CNTN4: variants seen among roughly 807,000 people sequenced by gnomAD.
CNTN4 encodes the protein contactin-4.
Under a neutral mutation model 122.5 loss-of-function variants are expected in CNTN4, and 77 were observed. That is an observed-to-expected ratio of 0.63 (90% CI 0.52 to 0.76). CNTN4 has a LOEUF of 0.76. Among genes scored for constraint, CNTN4 ranks in the 30% least tolerant of loss-of-function variants. The pLI, the probability that CNTN4 is intolerant of heterozygous loss-of-function variation, is 0.00. For missense variants in CNTN4, 1,256 were observed against 1,259.1 expected, an observed-to-expected ratio of 1.00 and a Z score of 0.04; for synonymous variants, 512 against 447.0, an observed-to-expected ratio of 1.15 and a Z score of -1.83.
chr3:2,571,353 C>G (rs531821752), intron 3 of CNTN4, 63 bp from the exon 4 acceptor site: 14 of 686,842 alleles, frequency 2.0e-5, no homozygotes, highest in Non-Finnish European at 3.5e-5. Flanking sequence ...TAAAGATAAA[C>G]TTGCAGAGAC....
At chr3:2,376,718 A>G (rs552908628) in intron 3 of CNTN4, among the ~76,000 whole-genome samples, 116 of 150,972 alleles carry the variant, frequency 7.7e-4, no homozygotes, top group Non-Finnish European at 2.9e-4. Flanking sequence ...TCAGGTTAAC[A>G]TATAATATGC....
chr3:2,917,502 TG>T (rs1389290077), intron 12 of CNTN4, among the ~76,000 whole-genome samples: 6 of 152,182 alleles, frequency 3.9e-5, no homozygotes, highest in African/African-American at 1.4e-4. Context: ...CCTGGAATTC[TG>T]CATTTCTAAC....
At chr3:2,758,397 G>T (rs1313357708) in intron 6 of CNTN4, among the ~76,000 whole-genome samples, 1 of 151,250 alleles carries the variant, frequency 6.6e-6, no homozygotes, top group African/African-American at 2.4e-5. Context: ...CTTAAACAAA[G>T]AAATAGAATA....
chr3:2,452,922 T>G (rs1413646204), intron 3 of CNTN4, among the ~76,000 whole-genome samples: 1 of 152,136 alleles, frequency 6.6e-6, no homozygotes, highest in Admixed American at 6.6e-5. Flanking sequence ...TTTTTTTGTG[T>G]TTTTGTTGTA....
chr3:2,677,694 A>G (rs952561836), intron 4 of CNTN4, among the ~76,000 whole-genome samples: 7 of 152,122 alleles, frequency 4.6e-5, no homozygotes, highest in African/African-American at 1.4e-4. Flanking sequence ...TTCCCAGCAG[A>G]TGGTGGTGGC....
chr3:2,109,465 A>G (rs1188489404), intron 2 of CNTN4, among the ~76,000 whole-genome samples: 2 of 152,130 alleles, frequency 1.3e-5, no homozygotes, highest in Non-Finnish European at 2.9e-5. Context: ...GAACTTTTGT[A>G]TATAAAAATA....
At chr3:2,119,137 C>A (rs1471344338) in intron 2 of CNTN4, among the ~76,000 whole-genome samples, 1 of 152,196 alleles carries the variant, frequency 6.6e-6, no homozygotes, top group East Asian at 1.9e-4. Context: ...AAACTGATCT[C>A]CCAGGAGAAA....
At position 2,988,881 on chromosome 3, in the gene CNTN4, T is replaced by G. The variant is rs1010608083; in HGVS notation, c.1486+409T>G. On this transcript the variant is annotated intron_variant, in intron 14 of 24. Coordinates refer to ENST00000418658, the MANE Select transcript of CNTN4 (RefSeq NM_175607.3). ...ATTGTTTAAACAATGACATTGGTAA[T>G]TTTTAAGATAGCTGTCCCATTTATT... The G allele has an allele frequency of 4.8e-5, 12 of 247,766 alleles. No individual in the cohort carries two copies. The South Asian group carries it at 6.1e-4, about 13-fold the overall frequency. The allele number at this position is 247,766 out of a possible 1,614,324, so 15.3% of individuals were successfully genotyped here.
chr3:2,976,866 T>TC (rs1693463898), intron 13 of CNTN4, among the ~76,000 whole-genome samples: 1 of 151,890 alleles, frequency 6.6e-6, no homozygotes. Context: ...CCAAAACAAG[T>TC]CTTTTTTTTT....
chr3:2,314,861 A>G (rs1375096438), intron 2 of CNTN4, among the ~76,000 whole-genome samples: 1 of 152,068 alleles, frequency 6.6e-6, no homozygotes, highest in Non-Finnish European at 1.5e-5. Context: ...TTTGAAGAAT[A>G]AGAAATACAG....
At chr3:2,796,295 T>C (rs1439931653) in intron 6 of CNTN4, among the ~76,000 whole-genome samples, 2 of 152,134 alleles carry the variant, frequency 1.3e-5, no homozygotes, top group East Asian at 3.9e-4. Context: ...TAAAGGATTA[T>C]ATTTGAAGGT....
At chr3:3,001,061 TA>T (rs1695991482) in intron 14 of CNTN4, among the ~76,000 whole-genome samples, 1 of 152,152 alleles carries the variant, frequency 6.6e-6, no homozygotes, top group Non-Finnish European at 1.5e-5. Flanking sequence ...AGGGGTTCAA[TA>T]AACAGTACCT....
At chr3:2,834,100 C>T (rs1252385659) in intron 7 of CNTN4, among the ~76,000 whole-genome samples, 2 of 151,912 alleles carry the variant, frequency 1.3e-5, no homozygotes, top group South Asian at 2.1e-4. Context: ...AAGCCGAGAT[C>T]GCCACTGCTC....
intron 2 of CNTN4, among the ~76,000 whole-genome samples, chr3:2,171,730 C>G (rs1232918264): frequency 6.6e-6 from 1 of 152,132 alleles, no homozygotes; most frequent in Non-Finnish European, 1.5e-5. Context: ...AACATAGTCT[C>G]CAGTCACATC....
intron 13 of CNTN4, among the ~76,000 whole-genome samples, chr3:2,951,519 C>A (rs1308416124): frequency 6.6e-6 from 1 of 152,162 alleles, no homozygotes; most frequent in African/African-American, 2.4e-5. Context: ...CTGTCTGCAG[C>A]CTGGGGGTTG....
chr3:2,993,071 T>C (rs1695197459), intron 14 of CNTN4, among the ~76,000 whole-genome samples: 2 of 152,196 alleles, frequency 1.3e-5, no homozygotes, highest in Non-Finnish European at 2.9e-5. Flanking sequence ...AATCCATACC[T>C]GTTTTATATA....
intron 4 of CNTN4, among the ~76,000 whole-genome samples, chr3:2,682,806 T>A (rs1170399232): frequency 6.6e-6 from 1 of 152,158 alleles, no homozygotes; most frequent in South Asian, 2.1e-4. Context: ...CTTTTAGCTA[T>A]TATTAGTCAT....
chr3:2,133,658 A>G (rs1218687730), intron 2 of CNTN4, among the ~76,000 whole-genome samples: 15 of 152,228 alleles, frequency 9.9e-5, no homozygotes, highest in Admixed American at 9.8e-4. Flanking sequence ...GATTTGCTGT[A>G]GAATTTTAAA....
Position 2,416,900 on chromosome 3 carries a change from T to C in CNTN4, c.-89+77667T>C, listed in dbSNP as rs182958453. 1.4e-3 allele frequency among the ~76,000 whole-genome samples: 208 copies of C among 152,264 alleles called. 1 individual carries two copies. Among genetic ancestry groups the C allele is most frequent in the African/African-American group, 4.5e-3 (185 of 41,572 alleles). The stretch of plus-strand genomic sequence containing the variant: ...CGAGCTCCTGACCTTGTGATCCACC[T>C]GCCTCAGCCTCCCAAAGTGCTGGGA... On this transcript the variant is annotated intron_variant, in intron 3 of 24. Transcript: ENST00000418658.
Sources: allele counts gnomAD v4.1 joint callset (sites outside exome capture counted in the v4.1 genomes callset), GRCh38; gene constraint gnomAD v4.1.1; transcripts MANE v1.5; gene names NCBI Gene and HGNC (gene_info 2026-07-23, HGNC 2026-07-21).